CDK14: variants seen among roughly 807,000 people sequenced by gnomAD.
CDK14 encodes the protein cyclin dependent kinase 14, also known as cyclin-dependent kinase 14.
CDK14 carries 34 observed loss-of-function variants against 60.7 expected under a neutral mutation model. The observed-to-expected ratio is 0.56, with a 90% CI of 0.43 to 0.75. The LOEUF is 0.75. CDK14 is among the 30% of genes least tolerant of loss of function. The probability of loss-of-function intolerance (pLI) is 0.00; values close to 1 mark genes in which losing one functional copy is unlikely to be tolerated. For synonymous variants in CDK14, 197 were observed against 203.7 expected (o/e 0.97, Z 0.28); for missense variants, 482 against 564.1 (o/e 0.85, Z 1.47).
rs540322492 is a variant in CDK14 at position 90,915,692 on chromosome 7, G to A, written c.703-1909G>A. On this transcript the variant is annotated intron_variant, in intron 7 of 14. Coordinates refer to ENST00000380050, the MANE Select transcript of CDK14 (RefSeq NM_001287135.2). The stretch of plus-strand genomic sequence containing the variant: ...GAGTGAGATGGTGAGATGGTTAAGA[G>A]CATAGAATTTGGAATCAGACTCTCT... 2.0e-5 allele frequency among the ~76,000 whole-genome samples: 3 copies of A among 152,176 alleles called. No individual in the cohort carries two copies. The East Asian group carries it at 5.8e-4, about 29-fold the overall frequency.
intron 10 of CDK14, among the ~76,000 whole-genome samples, chr7:90,994,595 G>A (rs1795628012): frequency 6.6e-6 from 1 of 152,084 alleles, no homozygotes; most frequent in African/African-American, 2.4e-5. Flanking sequence ...AGCTTTGTAG[G>A]GAAAAACTCC....
chr7:90,745,147 G>T (rs1259593728), intron 3 of CDK14, among the ~76,000 whole-genome samples: 1 of 152,056 alleles, frequency 6.6e-6, no homozygotes, highest in Non-Finnish European at 1.5e-5. Flanking sequence ...AATATATTCT[G>T]ATTTATTCAA....
intron 11 of CDK14, among the ~76,000 whole-genome samples, chr7:91,065,556 A>G (rs1283752162): frequency 6.6e-6 from 1 of 152,224 alleles, no homozygotes; most frequent in Non-Finnish European, 1.5e-5. Context: ...CAAGGACTAT[A>G]GATTCAGCTT....
intron 6 of CDK14, among the ~76,000 whole-genome samples, chr7:90,897,961 C>T (rs1422951606): frequency 6.6e-6 from 1 of 151,940 alleles, no homozygotes; most frequent in Admixed American, 6.6e-5. Flanking sequence ...TTGGGTTGCC[C>T]AAGATAAAGG....
intron 2 of CDK14, among the ~76,000 whole-genome samples, chr7:90,608,942 T>G (rs1244885554): frequency 6.6e-6 from 1 of 152,214 alleles, no homozygotes; most frequent in Non-Finnish European, 1.5e-5. Flanking sequence ...GTGGAGACTG[T>G]GCACAATGAT....
Position 91,167,279 on chromosome 7 carries a change from T to C in CDK14, c.*29-39886T>C, listed in dbSNP as rs374006002. 6.1e-4 allele frequency among the ~76,000 whole-genome samples: 93 copies of C among 152,312 alleles called. 3 individuals carry two copies. In the South Asian group the frequency reaches 0.017, roughly 28 times the overall value. ...CTTGTTTCCAACCAACGTTGAAAAA[T>C]AGTTCTAATTTTTTAAAAAAGGAGA... On this transcript the variant is annotated intron_variant, in intron 14 of 14. Transcript: ENST00000380050.
At chr7:90,881,759 C>T (rs1271788575) in intron 6 of CDK14, among the ~76,000 whole-genome samples, 2 of 152,136 alleles carry the variant, frequency 1.3e-5, no homozygotes, top group Non-Finnish European at 2.9e-5. Flanking sequence ...CTCTACCAGC[C>T]AGAAGAGATT....
chr7:91,201,657 C>T (rs943331360), intron 14 of CDK14, among the ~76,000 whole-genome samples: 5 of 152,096 alleles, frequency 3.3e-5, no homozygotes, highest in African/African-American at 9.7e-5. Flanking sequence ...CGATGTTGTC[C>T]CTCCGGCATG....
intron 6 of CDK14, among the ~76,000 whole-genome samples, chr7:90,891,166 T>C (rs1792112291): frequency 6.6e-6 from 1 of 152,182 alleles, no homozygotes; most frequent in African/African-American, 2.4e-5. Context: ...AATAGTGGAC[T>C]TCTGATATTT....
chr7:91,108,144 CT>C (rs1465981523), intron 12 of CDK14, among the ~76,000 whole-genome samples: 3 of 152,166 alleles, frequency 2.0e-5, no homozygotes, highest in Non-Finnish European at 4.4e-5. Flanking sequence ...CCTGTCTCTA[CT>C]AAAAATACAA....
At chr7:90,939,929 C>T (rs1793866210) in intron 8 of CDK14, among the ~76,000 whole-genome samples, 2 of 152,136 alleles carry the variant, frequency 1.3e-5, no homozygotes, top group Admixed American at 1.3e-4. Flanking sequence ...ACCAGTTTTC[C>T]TGCCATGCCA....
chr7:90,652,117 G>T (rs1800658144), intron 2 of CDK14, among the ~76,000 whole-genome samples: 1 of 152,000 alleles, frequency 6.6e-6, no homozygotes, highest in African/African-American at 2.4e-5. Context: ...TTTTACTACT[G>T]CTCTGTCATC....
At chr7:90,775,655 C>CCCCCTTCCCCTCCCCCTTCCCCTT (rs1805006269) in intron 4 of CDK14, among the ~76,000 whole-genome samples, 1 of 113,518 alleles carries the variant, frequency 8.8e-6, no homozygotes, top group Non-Finnish European at 1.8e-5. Context: ...CCCTTCCCCT[C>CCCCCTTCCCCTCCCCCTTCCCCTT]CCCCTTTCTC....
chr7:90,889,630 A>G (rs879330615), intron 6 of CDK14, among the ~76,000 whole-genome samples: 4 of 152,334 alleles, frequency 2.6e-5, no homozygotes, highest in East Asian at 3.9e-4. Context: ...GAGGATTTTT[A>G]TGTAGTATAA....
chr7:90,721,691 G>A (rs947714278), intron 2 of CDK14, among the ~76,000 whole-genome samples: 5 of 152,176 alleles, frequency 3.3e-5, no homozygotes, highest in African/African-American at 1.2e-4. Flanking sequence ...GGCACTAGGG[G>A]TGCACATGAA....
chr7:90,616,281 T>C lies in CDK14; in HGVS notation c.123+12032T>C, dbSNP rs569914184. On this transcript the variant is annotated intron_variant, in intron 2 of 14. Transcript: ENST00000380050. ...AATAACTTATGGTTACTTTTGATTT[T>C]AATGAAAACATTTTTTATTAAAAAA... is the stretch of plus-strand genomic sequence containing the variant. Among the ~76,000 whole-genome samples, 5 of 152,306 alleles carry C rather than the reference T, an allele frequency of 3.3e-5. No homozygotes were observed. The East Asian group carries it at 9.6e-4, about 29-fold the overall frequency.
chr7:90,846,262 T>C (rs150561656), intron 5 of CDK14, among the ~76,000 whole-genome samples: 113 of 152,306 alleles, frequency 7.4e-4, no homozygotes, highest in African/African-American at 2.7e-3. Context: ...GGTTCCACAC[T>C]TGGCTCCATT....
chr7:90,637,652 C>T (rs1299649885), intron 2 of CDK14, among the ~76,000 whole-genome samples: 4 of 151,380 alleles, frequency 2.6e-5, no homozygotes, highest in South Asian at 2.1e-4. Context: ...CTATTAGGTC[C>T]ACTTGGTGCA....
At chr7:91,023,024 T>A (rs1796476274) in intron 10 of CDK14, among the ~76,000 whole-genome samples, 1 of 152,064 alleles carries the variant, frequency 6.6e-6, no homozygotes, top group South Asian at 2.1e-4. Context: ...ATTTTTTTTT[T>A]TTCGTCTAAT....
Sources: gnomAD v4.1 joint callset for allele counts (sites outside exome capture counted in the v4.1 genomes callset) on GRCh38, gnomAD v4.1.1 for gene constraint, MANE v1.5 for transcripts, NCBI Gene and HGNC (gene_info 2026-07-23, HGNC 2026-07-21) for gene names.